Variants in CNTN3 observed in about 807,000 individuals in gnomAD.
The protein encoded by CNTN3 is contactin-3.
A neutral mutation model predicts 119.1 loss-of-function variants in CNTN3; 60 were observed. The ratio of observed to expected loss-of-function variants is 0.50; its 90% CI spans 0.41 to 0.62. The LOEUF is 0.62. CNTN3 is among the 20% of genes least tolerant of loss of function. The pLI is 0.00. For synonymous variants in CNTN3, 450 were observed against 438.7 expected, an observed-to-expected ratio of 1.03 and a Z score of -0.32; for missense variants, 1,101 against 1,242.4, an observed-to-expected ratio of 0.89 and a Z score of 1.71.
chr3:74,270,322 G>A (rs918608019), intron 20 of CNTN3, among the ~76,000 whole-genome samples: 1 of 152,198 alleles, frequency 6.6e-6, no homozygotes, highest in African/African-American at 2.4e-5. Context: ...AAAAGTCATT[G>A]AAGAGTATGG....
intron 4 of CNTN3, among the ~76,000 whole-genome samples, chr3:74,467,208 T>G (rs1421814795): frequency 6.6e-6 from 1 of 152,048 alleles, no homozygotes; most frequent in Non-Finnish European, 1.5e-5. Context: ...AAAAAAATGA[T>G]ATTGGATATC....
intron 1 of CNTN3, among the ~76,000 whole-genome samples, chr3:74,595,714 C>T (rs1441234590): frequency 6.6e-6 from 1 of 152,094 alleles, no homozygotes; most frequent in African/African-American, 2.4e-5. Flanking sequence ...CTATCTATGA[C>T]AAACCCACAG....
chr3:74,402,500 C>T lies in CNTN3; in HGVS notation c.454+22345G>A, dbSNP rs367973527. Among the ~76,000 whole-genome samples, 3 of 152,248 alleles carry T rather than the reference C, an allele frequency of 2.0e-5. No homozygotes were observed. The South Asian group carries it at 6.2e-4, about 32-fold the overall frequency. On this transcript the variant is annotated intron_variant, in intron 5 of 22. Coordinates refer to ENST00000263665, the MANE Select transcript of CNTN3 (RefSeq NM_020872.3). ...TTTATAACAGAAACCTCCTGTAACACATGACCTTGAATAAAGTAGGTGGCA... is the reference window on the plus strand; with the variant it reads ...TTTATAACAGAAACCTCCTGTAACATATGACCTTGAATAAAGTAGGTGGCA...
chr3:74,533,128 C>A (rs1027078852), intron 1 of CNTN3, among the ~76,000 whole-genome samples: 1 of 151,946 alleles, frequency 6.6e-6, no homozygotes, highest in Non-Finnish European at 1.5e-5. Context: ...CTGGCCAGTG[C>A]CAGATGCTCA....
intron 11 of CNTN3, among the ~76,000 whole-genome samples, chr3:74,357,639 G>C (rs1703967874): frequency 6.6e-6 from 1 of 152,068 alleles, no homozygotes; most frequent in African/African-American, 2.4e-5. Flanking sequence ...TTCTGATTTA[G>C]ACCTTGAATG....
chr3:74,267,872 T>C (rs1701694945), intron 20 of CNTN3, among the ~76,000 whole-genome samples: 2 of 152,184 alleles, frequency 1.3e-5, no homozygotes, highest in Non-Finnish European at 1.5e-5. Context: ...AATTGCCAAA[T>C]GGACAGATTA....
chr3:74,433,570 AC>A (rs1161546210), intron 4 of CNTN3, among the ~76,000 whole-genome samples: 1 of 152,160 alleles, frequency 6.6e-6, no homozygotes, highest in Non-Finnish European at 1.5e-5. Context: ...CACAGGGTGG[AC>A]CCTAAGCACC....
chr3:74,484,713 G>T (rs933268367), intron 4 of CNTN3, among the ~76,000 whole-genome samples: 1 of 152,036 alleles, frequency 6.6e-6, no homozygotes, highest in Non-Finnish European at 1.5e-5. Context: ...GGGTGGTGGT[G>T]AACTCCCCAA....
intron 5 of CNTN3, among the ~76,000 whole-genome samples, chr3:74,420,031 A>G (rs992962848): frequency 6.6e-6 from 1 of 152,250 alleles, no homozygotes; most frequent in East Asian, 1.9e-4. Flanking sequence ...CTGGCTTTTG[A>G]TTTCCTAGTT....
At chr3:74,377,245 TAGAG>T (rs970432730) in intron 5 of CNTN3, among the ~76,000 whole-genome samples, 1 of 152,108 alleles carries the variant, frequency 6.6e-6, no homozygotes, top group Non-Finnish European at 1.5e-5. Flanking sequence ...TTTTATGTCT[TAGAG>T]AGAAGAGCTG....
intron 13 of CNTN3, among the ~76,000 whole-genome samples, chr3:74,330,929 T>A (rs1703249992): frequency 6.6e-6 from 1 of 152,220 alleles, no homozygotes; most frequent in Non-Finnish European, 1.5e-5. Flanking sequence ...CTGTACAATG[T>A]GTGTTTTAAG....
intron 5 of CNTN3, among the ~76,000 whole-genome samples, chr3:74,424,104 G>T (rs1271800200): frequency 6.6e-6 from 1 of 152,080 alleles, no homozygotes; most frequent in Non-Finnish European, 1.5e-5. Context: ...GTTTCTCTGA[G>T]AACAGTGATT....
intron 20 of CNTN3, among the ~76,000 whole-genome samples, chr3:74,270,291 C>T (rs1446547845): frequency 6.6e-6 from 1 of 152,118 alleles, no homozygotes; most frequent in Non-Finnish European, 1.5e-5. Flanking sequence ...GGGAAATAGG[C>T]CACCCCCAAG....
intron 13 of CNTN3, among the ~76,000 whole-genome samples, chr3:74,320,013 A>C (rs1702945530): frequency 6.6e-6 from 1 of 152,182 alleles, no homozygotes; most frequent in Non-Finnish European, 1.5e-5. Flanking sequence ...AAAAGTCAGG[A>C]AAGAACAGGT....
At chr3:74,431,190 C>T (rs1283906950) in intron 4 of CNTN3, among the ~76,000 whole-genome samples, 2 of 152,140 alleles carry the variant, frequency 1.3e-5, no homozygotes, top group Non-Finnish European at 2.9e-5. Flanking sequence ...GGTTGATCTT[C>T]CCATGCAGTA....
chr3:74,492,563 A>G (rs1230360759), intron 3 of CNTN3, among the ~76,000 whole-genome samples: 1 of 152,166 alleles, frequency 6.6e-6, no homozygotes, highest in African/African-American at 2.4e-5. Context: ...GAGGCCAACA[A>G]TTTTTGATTC....
intron 13 of CNTN3, among the ~76,000 whole-genome samples, chr3:74,313,532 T>C (rs1251363650): frequency 6.6e-6 from 1 of 152,164 alleles, no homozygotes; most frequent in Non-Finnish European, 1.5e-5. Context: ...GCTCCCTAAA[T>C]GCTTGCTTAG....
chr3:74,361,906 C>A lies in CNTN3; in HGVS notation c.1348G>T (p.Val450Leu). The change falls in exon 11 of 23, where the codon GTG becomes TTG. Residue 450 changes from valine to leucine, a missense_variant. Coordinates refer to ENST00000263665, the MANE Select transcript of CNTN3 (RefSeq NM_020872.3). ...TCAAAATACCTTTCATGCTCCTGCA[C>A]GCTCACATCCCCCTTCTTCCAGGAA... ...LSSWKKGDVSVQEHERISLLN... is the reference protein window; with the variant it reads ...LSSWKKGDVSLQEHERISLLN... The A allele has an allele frequency of 6.2e-7, 1 of 1,612,644 alleles. No individual in the cohort carries two copies. Among genetic ancestry groups the A allele is most frequent in the Non-Finnish European group, 8.5e-7 (1 of 1,179,258 alleles).
intron 1 of CNTN3, among the ~76,000 whole-genome samples, chr3:74,544,820 G>T (rs952440520): frequency 2.2e-4 from 33 of 151,982 alleles, no homozygotes; most frequent in African/African-American, 7.7e-4. Flanking sequence ...GGATGGTCAC[G>T]ATCTCCTGAC....
Sources: allele counts gnomAD v4.1 joint callset (sites outside exome capture counted in the v4.1 genomes callset), GRCh38; gene constraint gnomAD v4.1.1; transcripts MANE v1.5; gene names NCBI Gene and HGNC (gene_info 2026-07-23, HGNC 2026-07-21).